ANO1: variants seen among roughly 807,000 people sequenced by gnomAD.
ANO1 encodes the protein anoctamin 1.
A neutral mutation model predicts 124.0 loss-of-function variants in ANO1; 59 were observed. That is an observed-to-expected ratio of 0.48 (90% confidence interval 0.39 to 0.59). The LOEUF (loss-of-function observed/expected upper bound fraction) is 0.59. ANO1 is among the 20% of genes least tolerant of loss of function. The pLI, the probability that ANO1 is intolerant of heterozygous loss-of-function variation, is 0.00. For missense variants in ANO1, 1,059 were observed against 1,328.0 expected (o/e 0.80, Z 3.15); for synonymous variants, 529 against 532.0 (o/e 0.99, Z 0.08).
At chr11:70,079,895 G>A (rs1379240285) in intron 1 of ANO1, among the ~76,000 whole-genome samples, 1 of 152,228 alleles carries the variant, frequency 6.6e-6, no homozygotes, top group African/African-American at 2.4e-5. Context: ...TGGCCTGGGG[G>A]CATCTCTTCA....
chr11:70,145,249 C>CT, intron 11 of ANO1, among the ~76,000 whole-genome samples: 1 of 152,162 alleles, frequency 6.6e-6, no homozygotes, highest in Non-Finnish European at 1.5e-5. Context: ...TCCTTTCCTG[C>CT]TGGTGAAGCC....
In ANO1 at chr11:70,066,655, A is replaced by C. The variant is rs183997628; in HGVS notation, c.59-11887A>C. On this transcript the variant is annotated intron_variant, in intron 1 of 27. Coordinates refer to the ANO1 transcript ENST00000531349. ...GGGGGCGGGGTGGGTGGCAGCCCTG[A>C]CTTTGGCCTCCCTGAATGACGGCAC... Among the ~76,000 whole-genome samples the C allele has an allele frequency of 3.7e-3, 569 of 152,188 alleles. 4 individuals are homozygous for C. The highest frequency in any genetic ancestry group is 0.013 in the African/African-American group (537 of 41,528).
At position 70,157,066 on chromosome 11, in the gene ANO1, C is replaced by T. The variant is rs147009458; in HGVS notation, c.1578+45C>T. 8 of 1,559,886 alleles carry T rather than the reference C, an allele frequency of 5.1e-6. No homozygotes were observed. In the African/African-American group the frequency reaches 6.8e-5, roughly 13 times the overall value. On this transcript the variant is annotated intron_variant, in intron 16 of 25. Transcript: ENST00000355303. ...GGCCAGACGAAGTCAGGGGAAACCG[C>T]AAGGAAGTGATTGGCTTCAGCCGGG...
the ANO1 span, among the ~76,000 whole-genome samples, chr11:69,980,534 T>A: frequency 2.6e-4 from 39 of 151,340 alleles, no homozygotes; most frequent in Middle Eastern, 3.4e-3. Context: ...GGCAGGAGAA[T>A]GGCGTGAACC....
chr11:70,029,356 G>A (rs1419986181), intron 1 of ANO1, among the ~76,000 whole-genome samples: 2 of 152,220 alleles, frequency 1.3e-5, no homozygotes, highest in African/African-American at 4.8e-5. Flanking sequence ...GCCCAGGGGA[G>A]AGCTGACTCA....
chr11:70,106,270 C>A (rs1376792725), intron 5 of ANO1, among the ~76,000 whole-genome samples: 1 of 152,210 alleles, frequency 6.6e-6, no homozygotes, highest in Non-Finnish European at 1.5e-5. Flanking sequence ...GACCAGGCCA[C>A]CCTGCCCTAT....
rs559686607 is a variant in ANO1 at position 70,028,059 on chromosome 11, T to C, written c.58+41893T>C. On this transcript the variant is annotated intron_variant, in intron 1 of 27. Coordinates refer to the ANO1 transcript ENST00000531349. ...TTAGAAAATCGATTTCAATAAAAGTTAAGGTACTACTGATTTCCCTCAGAA... is the reference window on the plus strand; with the variant it reads ...TTAGAAAATCGATTTCAATAAAAGTCAAGGTACTACTGATTTCCCTCAGAA... Among the ~76,000 whole-genome samples the C allele has an allele frequency of 3.3e-5, 5 of 152,318 alleles. No homozygotes were observed. The East Asian group carries it at 9.6e-4, about 29-fold the overall frequency.
intron 2 of ANO1, among the ~76,000 whole-genome samples, chr11:70,088,920 C>G (rs2044508621): frequency 6.6e-6 from 1 of 152,236 alleles, no homozygotes; most frequent in African/African-American, 2.4e-5. Flanking sequence ...GCCTACGAAT[C>G]TTCCTAGAAG....
intron 2 of ANO1, among the ~76,000 whole-genome samples, chr11:70,089,099 T>A (rs116714000): frequency 0.02 from 3,081 of 152,250 alleles, 96 homozygotes; most frequent in African/African-American, 0.07. Flanking sequence ...CATCTTAACC[T>A]CTCTGTGCAC....
chr11:70,130,564 C>T (rs573343609), intron 10 of ANO1, among the ~76,000 whole-genome samples: 27 of 152,334 alleles, frequency 1.8e-4, no homozygotes, highest in African/African-American at 6.3e-4. Flanking sequence ...TAATGAGGCT[C>T]CTGCTCTCGC....
chr11:70,007,970 G>T (rs1254747102), intron 1 of ANO1, among the ~76,000 whole-genome samples: 3 of 152,128 alleles, frequency 2.0e-5, no homozygotes, highest in African/African-American at 7.2e-5. Context: ...GTGTGAGGTG[G>T]TATCTCCTTG....
chr11:70,104,772 G>A (rs1298523587), intron 4 of ANO1, among the ~76,000 whole-genome samples: 2 of 152,182 alleles, frequency 1.3e-5, no homozygotes, highest in Non-Finnish European at 2.9e-5. Context: ...GGAACCCAGA[G>A]GGACTTTGGA....
At position 70,189,522 on chromosome 11, in the gene ANO1, T is replaced by C. The variant is rs1246117396; in HGVS notation, c.*1518T>C. 2 of 152,526 alleles carry C rather than the reference T, an allele frequency of 1.3e-5. No individual in the cohort carries two copies. Among genetic ancestry groups the C allele is most frequent in the Non-Finnish European group, 2.9e-5 (2 of 68,046 alleles). 9.4% of individuals were successfully genotyped at this position (152,526 alleles called of 1,614,324 possible). A position where few individuals can be genotyped will look rare whatever the true frequency, so the allele number is the denominator to read the frequency against. ...GGACATTCATCTAAATAAATTTGAA[T>C]ATACGACACTTTTCTCACTTGAATG... On this transcript the variant is annotated 3_prime_UTR_variant, in exon 26 of 26. Transcript: ENST00000355303.
At chr11:70,137,598 G>T (rs2046999281) in intron 11 of ANO1, among the ~76,000 whole-genome samples, 1 of 145,896 alleles carries the variant, frequency 6.9e-6, no homozygotes, top group Non-Finnish European at 1.5e-5. Context: ...GCGGGGCCCG[G>T]CCTGCCCTGG....
the ANO1 span, among the ~76,000 whole-genome samples, chr11:69,975,321 T>A: frequency 6.6e-6 from 1 of 152,088 alleles, no homozygotes. Context: ...GGAAGGAGAG[T>A]TTGGTGCTGG....
chr11:70,007,776 A>G (rs1856521845), intron 1 of ANO1, among the ~76,000 whole-genome samples: 1 of 152,172 alleles, frequency 6.6e-6, no homozygotes, highest in Non-Finnish European at 1.5e-5. Context: ...ACACCCAGCA[A>G]TGGGATTACT....
intron 8 of ANO1, among the ~76,000 whole-genome samples, chr11:70,116,914 G>A (rs2135433542): frequency 6.6e-6 from 1 of 152,190 alleles, no homozygotes; most frequent in Middle Eastern, 3.4e-3. Flanking sequence ...CTGACACCAG[G>A]TGCACAGAGA....
At chr11:70,101,417 G>A (rs368544537) in intron 2 of ANO1, among the ~76,000 whole-genome samples, 4 of 151,832 alleles carry the variant, frequency 2.6e-5, no homozygotes, top group Admixed American at 6.6e-5. Flanking sequence ...TTAGCTAGGC[G>A]TGGTGGTGCA....
At chr11:69,995,313 G>A (rs918908593) in intron 1 of ANO1, among the ~76,000 whole-genome samples, 1 of 151,954 alleles carries the variant, frequency 6.6e-6, no homozygotes, top group Non-Finnish European at 1.5e-5. Context: ...TGGCCAGGCT[G>A]GTCTTGAACT....
Sources: allele counts gnomAD v4.1 joint callset (sites outside exome capture counted in the v4.1 genomes callset), GRCh38; gene constraint gnomAD v4.1.1; transcripts MANE v1.5; gene names NCBI Gene and HGNC (gene_info 2026-07-23, HGNC 2026-07-21).